The following PCYT1B variants were observed in gnomAD, a reference collection of about 807,000 sequenced individuals.
PCYT1B encodes phosphate cytidylyltransferase 1B, choline.
In PCYT1B, 10 loss-of-function variants were observed where a neutral mutation model predicts 26.4. That is an observed-to-expected ratio of 0.38 (90% CI 0.23 to 0.64). The LOEUF (loss-of-function observed/expected upper bound fraction) is 0.64. Ranked by LOEUF, PCYT1B falls within the 30% of genes least tolerant of loss-of-function variation. The pLI is 0.56. For synonymous variants in PCYT1B, 131 were observed against 108.4 expected, an observed-to-expected ratio of 1.21 and a Z score of -1.29; for missense variants, 161 against 292.7, an observed-to-expected ratio of 0.55 and a Z score of 3.28.
At chrX:24,655,269 C>G (rs1229858406) in intron 1 of PCYT1B, among the ~76,000 whole-genome samples, 1 of 112,050 alleles carries the variant, frequency 8.9e-6, no homozygotes, top group Non-Finnish European at 1.9e-5. Context: ...ACCACGCTGC[C>G]TCATTGTGTG....
At chrX:24,621,306 T>C (rs1925694524) in intron 1 of PCYT1B, among the ~76,000 whole-genome samples, 1 of 111,572 alleles carries the variant, frequency 9.0e-6, no homozygotes, top group Non-Finnish European at 1.9e-5. Flanking sequence ...CTATTCATTT[T>C]GCAAGGCTGT....
At chrX:24,656,230 G>GGT (rs1304747679) in intron 1 of PCYT1B, among the ~76,000 whole-genome samples, 2 of 23,265 alleles carry the variant, frequency 8.6e-5, no homozygotes. Flanking sequence ...AGGGGGTCGC[G>GGT]GGGGGGGGTG....
At chrX:24,657,687 C>T (rs747764668) in intron 1 of PCYT1B, among the ~76,000 whole-genome samples, 113 of 111,945 alleles carry the variant, frequency 1.0e-3, no homozygotes, top group African/African-American at 2.7e-3. Context: ...AGTATGAACA[C>T]CTGCCAGTCT....
chrX:24,663,168 A>C (rs780301774), intron 1 of PCYT1B, among the ~76,000 whole-genome samples: 1 of 112,464 alleles, frequency 8.9e-6, no homozygotes, highest in South Asian at 3.7e-4. Context: ...CTAATAAAAA[A>C]AATTACTTTA....
intron 1 of PCYT1B, chrX:24,621,771 C>T (rs757687680): frequency 5.4e-5 from 22 of 408,707 alleles, no homozygotes; most frequent in Non-Finnish European, 6.8e-5. Flanking sequence ...TTTCACATGA[C>T]CTAAAATAAA....
intron 2 of PCYT1B, among the ~76,000 whole-genome samples, chrX:24,614,494 A>G (rs1294516661): frequency 4.5e-5 from 5 of 111,919 alleles, no homozygotes; most frequent in Non-Finnish European, 9.4e-5. Context: ...CCAGGAGTTC[A>G]AGACCAGCCT....
chrX:24,664,948 A>G (rs1297921906), intron 1 of PCYT1B, among the ~76,000 whole-genome samples: 1 of 110,997 alleles, frequency 9.0e-6, no homozygotes, highest in Non-Finnish European at 1.9e-5. Context: ...ACAGAGCAAG[A>G]CTGTCTCAAA....
At chrX:24,636,881 A>G (rs942265557) in intron 1 of PCYT1B, among the ~76,000 whole-genome samples, 6 of 112,117 alleles carry the variant, frequency 5.4e-5, no homozygotes, top group Admixed American at 3.8e-4. Context: ...AGGTGGTTGT[A>G]GATTCTTCAA....
At chrX:24,583,980 T>C (rs1924286575) in intron 5 of PCYT1B, among the ~76,000 whole-genome samples, 1 of 112,224 alleles carries the variant, frequency 8.9e-6, no homozygotes, top group Non-Finnish European at 1.9e-5. Flanking sequence ...TAACAAATCC[T>C]TATGGCAATT....
At chrX:24,634,485 C>T (rs746220681) in intron 1 of PCYT1B, among the ~76,000 whole-genome samples, 1 of 111,839 alleles carries the variant, frequency 8.9e-6, no homozygotes, top group Admixed American at 9.6e-5. Flanking sequence ...CGGTGGCTCA[C>T]GCCTATAATC....
chrX:24,672,591 G>A (rs1308992024), exon 1 of PCYT1B: 13 of 1,204,934 alleles, frequency 1.1e-5, no homozygotes, highest in Admixed American at 8.8e-5. Context: ...ATTGGGGAGC[G>A]CGATTGTCCT....
chrX:24,640,521 G>A (rs1188746471), intron 1 of PCYT1B, among the ~76,000 whole-genome samples: 7 of 111,554 alleles, frequency 6.3e-5, no homozygotes, highest in Non-Finnish European at 1.1e-4. Context: ...ATAGAAGGAG[G>A]AGTCTAATAG....
chrX:24,672,588 A>G (rs925636155), exon 1 of PCYT1B: 3 of 1,205,568 alleles, frequency 2.5e-6, no homozygotes, highest in Non-Finnish European at 3.4e-6. Flanking sequence ...ACAATTGGGG[A>G]GCGCGATTGT....
chrX:24,651,469 AAAAATATATATATATATAT>A (rs1369437331), upstream of PCYT1B, among the ~76,000 whole-genome samples: 127 of 39,544 alleles, frequency 3.2e-3, 3 homozygotes, highest in African/African-American at 0.014. Context: ...AAAAAAAAAA[AAAAATATATATATATATAT>A]ATATATATAT....
chrX:24,562,379 G>A lies in PCYT1B; in HGVS notation c.1024C>T (p.Pro342Ser), dbSNP rs1312785835. 1.7e-6 allele frequency: 2 copies of A among 1,181,485 alleles called. No individual in the cohort carries two copies. The part of the protein sequence containing the change: ...RSPSPTFSWL[P>S]LKTSPPSSPK... ...GAGGAAGGGGGTGAGGTTTTGAGTG[G>A]AAGCCATGAGAAGGTGGGCGATGGG... Residue 342 changes from proline to serine, a missense_variant, in exon 8 of 8, where the codon CCA becomes TCA. This residue lies in a region of PCYT1B where 38 missense variants were observed against 55.9 expected (regional missense o/e 0.68). Transcript: ENST00000379144.
Position 24,584,964 on chromosome X carries a change from C to A in PCYT1B, c.565+2277G>T, listed in dbSNP as rs191189776. Among the ~76,000 whole-genome samples, 24 of 112,007 alleles carry A rather than the reference C, an allele frequency of 2.1e-4. No homozygotes were observed. The East Asian group carries it at 6.5e-3, about 30-fold the overall frequency. On this transcript the variant is annotated intron_variant, in intron 5 of 7. Coordinates refer to ENST00000379144, the MANE Select transcript of PCYT1B (RefSeq NM_004845.5). ...ATAAATCCCAGAAGTGTCTTTTGAA[C>A]TATTAAGAACCAGAGGCTGAGTAGA...
intron 7 of PCYT1B, among the ~76,000 whole-genome samples, chrX:24,566,712 G>A (rs1249708297): frequency 9.0e-6 from 1 of 111,479 alleles, no homozygotes; most frequent in Admixed American, 9.6e-5. Flanking sequence ...GGCCACAGGC[G>A]CATCACCAAT....
At chrX:24,614,428 G>A (rs765988973) in intron 2 of PCYT1B, among the ~76,000 whole-genome samples, 2 of 112,142 alleles carry the variant, frequency 1.8e-5, no homozygotes, top group Non-Finnish European at 3.8e-5. Context: ...AGGCACAGTG[G>A]CTCATGCCTG....
At chrX:24,624,171 G>A (rs1318586686) in intron 1 of PCYT1B, among the ~76,000 whole-genome samples, 1 of 109,618 alleles carries the variant, frequency 9.1e-6, no homozygotes, top group Non-Finnish European at 1.9e-5. Flanking sequence ...GGGTTTCACT[G>A]TGTTAACCAG....
Sources: allele counts gnomAD v4.1 joint callset (sites outside exome capture counted in the v4.1 genomes callset), GRCh38; gene constraint gnomAD v4.1.1; regional missense constraint gnomAD v4.1.1; transcripts MANE v1.5; gene names NCBI Gene and HGNC (gene_info 2026-07-23, HGNC 2026-07-21).